PARD3: variants seen among roughly 807,000 people sequenced by gnomAD.
The protein encoded by PARD3 is par-3 family cell polarity regulator.
In PARD3, 75 loss-of-function variants were observed where a neutral mutation model predicts 155.4. That is an observed-to-expected ratio of 0.48 (90% CI 0.40 to 0.58). The LOEUF is 0.58. Among genes scored for constraint, PARD3 ranks in the 20% least tolerant of loss-of-function variants. The pLI, the probability that PARD3 is intolerant of heterozygous loss-of-function variation, is 0.00. For missense variants in PARD3, 1,642 were observed against 1,721.7 expected (o/e 0.95, Z 0.82); for synonymous variants, 576 against 610.5 (o/e 0.94, Z 0.83).
intron 22 of PARD3, among the ~76,000 whole-genome samples, chr10:34,140,070 C>G (rs1470581733): frequency 6.6e-6 from 1 of 152,064 alleles, no homozygotes; most frequent in Non-Finnish European, 1.5e-5. Context: ...CCCATTACAC[C>G]CCGTGTGTTA....
intron 2 of PARD3, among the ~76,000 whole-genome samples, chr10:34,570,313 T>C (rs1415247477): frequency 6.6e-6 from 1 of 152,238 alleles, no homozygotes; most frequent in Non-Finnish European, 1.5e-5. Flanking sequence ...ATGTATAGAC[T>C]GTTTTTGTTT....
chr10:34,325,531 A>ACC (rs1834919432), intron 19 of PARD3, among the ~76,000 whole-genome samples: 2 of 149,828 alleles, frequency 1.3e-5, no homozygotes, highest in African/African-American at 5.0e-5. Context: ...CTACACCACC[A>ACC]CCCCCTCCCC....
intron 2 of PARD3, among the ~76,000 whole-genome samples, chr10:34,526,149 C>T (rs1033359290): frequency 3.4e-5 from 5 of 147,634 alleles, no homozygotes; most frequent in African/African-American, 1.3e-4. Flanking sequence ...ACGAGATAAA[C>T]CAAAATCTCT....
rs572916307 is a variant in PARD3 at position 34,606,387 on chromosome 10, C to T, written c.223-89228G>A. Among the ~76,000 whole-genome samples the T allele has an allele frequency of 1.2e-4, 18 of 152,024 alleles. 1 individual carries two copies. Among genetic ancestry groups the T allele is most frequent in the African/African-American group, 3.6e-4 (15 of 41,460 alleles). ...CTGGAGGCAAGTGGAAAAATCATGC[C>T]TGCCGGATCCAGTTCCCCTCCTCAA... On this transcript the variant is annotated intron_variant, in intron 2 of 24. Coordinates refer to ENST00000374788, the MANE Select transcript of PARD3 (RefSeq NM_001184785.2).
At chr10:34,647,142 T>C (rs1373778566) in intron 2 of PARD3, among the ~76,000 whole-genome samples, 1 of 152,218 alleles carries the variant, frequency 6.6e-6, no homozygotes, top group African/African-American at 2.4e-5. Context: ...ATGTCTGTAG[T>C]TAACCAGAAT....
At chr10:34,364,397 T>C (rs763253164) in intron 12 of PARD3, among the ~76,000 whole-genome samples, 1 of 152,100 alleles carries the variant, frequency 6.6e-6, no homozygotes, top group Non-Finnish European at 1.5e-5. Context: ...ATCATTAATT[T>C]CTCTCTCTCA....
intron 1 of PARD3, among the ~76,000 whole-genome samples, chr10:34,805,933 C>T (rs1424941870): frequency 1.3e-5 from 2 of 151,680 alleles, no homozygotes; most frequent in African/African-American, 2.4e-5. Context: ...GCCGAAATCA[C>T]GTCACTGCAC....
chr10:34,512,603 T>A (rs961729950), intron 3 of PARD3, among the ~76,000 whole-genome samples: 1 of 152,108 alleles, frequency 6.6e-6, no homozygotes, highest in African/African-American at 2.4e-5. Flanking sequence ...TAGTCTGGAT[T>A]GAGAAATGCT....
Position 34,734,322 on chromosome 10 carries a change from C to CTTTTTT in PARD3, c.121-37909_121-37904dup, listed in dbSNP as rs142307338. On this transcript the variant is annotated intron_variant, in intron 1 of 24. Coordinates refer to ENST00000374788, the MANE Select transcript of PARD3 (RefSeq NM_001184785.2). ...ACACATATAACAAATATATGGGGCCCTTTTTTTTTTTTTTTTTTTTTTTTT... is the reference window on the plus strand; with the variant it reads ...ACACATATAACAAATATATGGGGCCCTTTTTTTTTTTTTTTTTTTTTTTTTTTTTTT... Among the ~76,000 whole-genome samples the CTTTTTT allele has an allele frequency of 1.2e-3, 81 of 68,010 alleles. 4 individuals are homozygous for CTTTTTT. The highest frequency in any genetic ancestry group is 4.7e-3 in the African/African-American group (78 of 16,706). The allele number at this position is 68,010 out of a possible 152,430, so 44.6% of individuals were successfully genotyped here. A position where few individuals can be genotyped will look rare whatever the true frequency, so the allele number is the denominator to read the frequency against.
intron 3 of PARD3, among the ~76,000 whole-genome samples, chr10:34,499,906 A>T (rs115414005): frequency 1.9e-3 from 282 of 152,320 alleles, no homozygotes; most frequent in African/African-American, 6.5e-3. Context: ...GACACATTAA[A>T]TCATCTCTAC....
chr10:34,776,921 C>T (rs1285653668), intron 1 of PARD3, among the ~76,000 whole-genome samples: 1 of 150,406 alleles, frequency 6.6e-6, no homozygotes, highest in Non-Finnish European at 1.5e-5. Context: ...ACTGCAACCT[C>T]TGCCTCCCAA....
intron 2 of PARD3, among the ~76,000 whole-genome samples, chr10:34,617,950 A>G (rs1276465643): frequency 6.6e-6 from 1 of 152,252 alleles, no homozygotes; most frequent in Non-Finnish European, 1.5e-5. Context: ...TTGAAATTTT[A>G]AAAGTAAAAC....
At position 34,585,956 on chromosome 10, in the gene PARD3, C is replaced by T. The variant is rs181600252; in HGVS notation, c.223-68797G>A. 9.5e-4 allele frequency among the ~76,000 whole-genome samples: 145 copies of T among 152,134 alleles called. 1 individual carries two copies. The highest frequency in any genetic ancestry group is 2.6e-3 in the Admixed American group (40 of 15,270). On this transcript the variant is annotated intron_variant, in intron 2 of 24. Transcript: ENST00000374788. ...AATTTTAAACCACATGTGAATGCTCCACTTATTCAAAAAATGCAGGTTATT... is the reference window on the plus strand; with the variant it reads ...AATTTTAAACCACATGTGAATGCTCTACTTATTCAAAAAATGCAGGTTATT...
intron 2 of PARD3, among the ~76,000 whole-genome samples, chr10:34,524,742 C>T (rs556125030): frequency 6.6e-6 from 1 of 152,270 alleles, no homozygotes; most frequent in Non-Finnish European, 1.5e-5. Flanking sequence ...TAGGATAGCA[C>T]AGTAAGACAG....
intron 20 of PARD3, among the ~76,000 whole-genome samples, chr10:34,287,810 T>G (rs768965937): frequency 6.6e-6 from 1 of 152,196 alleles, no homozygotes; most frequent in Non-Finnish European, 1.5e-5. Context: ...CCCACTGTGT[T>G]TGGTATTAAA....
intron 22 of PARD3, among the ~76,000 whole-genome samples, chr10:34,214,684 G>C (rs1329391057): frequency 6.6e-6 from 1 of 152,160 alleles, no homozygotes; most frequent in Non-Finnish European, 1.5e-5. Flanking sequence ...TTATTTTAAA[G>C]TGTGGTTGTT....
intron 8 of PARD3, among the ~76,000 whole-genome samples, chr10:34,383,196 A>C (rs1842024555): frequency 6.6e-6 from 1 of 152,210 alleles, no homozygotes; most frequent in African/African-American, 2.4e-5. Context: ...TAAATCATTA[A>C]ACATGTTTTA....
chr10:34,771,867 A>G (rs1193607737), intron 1 of PARD3, among the ~76,000 whole-genome samples: 1 of 152,208 alleles, frequency 6.6e-6, no homozygotes, highest in Non-Finnish European at 1.5e-5. Context: ...GCAAGTTAAA[A>G]TGACACTTTT....
At chr10:34,618,472 AAAGT>A (rs2091415347) in intron 2 of PARD3, among the ~76,000 whole-genome samples, 2 of 152,314 alleles carry the variant, frequency 1.3e-5, no homozygotes, top group South Asian at 4.1e-4. Flanking sequence ...CAACAGTGGC[AAAGT>A]AAGTCACAAT....
Sources: gnomAD v4.1 joint callset for allele counts (sites outside exome capture counted in the v4.1 genomes callset) on GRCh38, gnomAD v4.1.1 for gene constraint, MANE v1.5 for transcripts, NCBI Gene and HGNC (gene_info 2026-07-23, HGNC 2026-07-21) for gene names.